EPM2A: variants seen among roughly 807,000 people sequenced by gnomAD.
EPM2A encodes the protein EPM2A glucan phosphatase, laforin.
A neutral mutation model predicts 26.5 loss-of-function variants in EPM2A; 21 were observed. The ratio of observed to expected loss-of-function variants is 0.79; its 90% CI spans 0.56 to 1.14. The LOEUF (loss-of-function observed/expected upper bound fraction) is 1.14, where lower values mean the gene tolerates loss of function less well. Among genes scored for constraint, EPM2A ranks in the 50% most tolerant of loss-of-function variants. The pLI, the probability that EPM2A is intolerant of heterozygous loss-of-function variation, is 0.00. For missense variants in EPM2A, 458 were observed against 440.8 expected (o/e 1.04, Z -0.35); for synonymous variants, 217 against 177.6 (o/e 1.22, Z -1.76).
intron 4 of EPM2A, among the ~76,000 whole-genome samples, chr6:145,433,146 C>T (rs903881680): frequency 1.5e-4 from 23 of 152,148 alleles, no homozygotes; most frequent in Admixed American, 1.0e-3. Flanking sequence ...TTTATGTGTT[C>T]ACAGATGTAG....
chr6:145,494,176 G>T (rs1582797832), intron 4 of EPM2A, among the ~76,000 whole-genome samples: 1 of 152,232 alleles, frequency 6.6e-6, no homozygotes, highest in South Asian at 2.1e-4. Flanking sequence ...TTATTGGTCT[G>T]TACAGGGATT....
At chr6:145,580,015 G>C (rs1337616978) in intron 2 of EPM2A, among the ~76,000 whole-genome samples, 1 of 152,024 alleles carries the variant, frequency 6.6e-6, no homozygotes, top group African/African-American at 2.4e-5. Flanking sequence ...CATTAACATA[G>C]ATTATAAGCT....
At chr6:145,660,251 C>T (rs1023006661) in intron 2 of EPM2A, among the ~76,000 whole-genome samples, 1 of 152,100 alleles carries the variant, frequency 6.6e-6, no homozygotes, top group African/African-American at 2.4e-5. Flanking sequence ...ATCCCCATAG[C>T]TCTATCCTGA....
chr6:145,387,207 T>C (rs9285507), intron 4 of EPM2A, among the ~76,000 whole-genome samples: 16,593 of 152,150 alleles, frequency 0.11, 943 homozygotes, highest in South Asian at 0.17. Flanking sequence ...TTTGCAGGAT[T>C]ATATTATATA....
At chr6:145,668,443 T>G (rs1779396223) in intron 2 of EPM2A, among the ~76,000 whole-genome samples, 1 of 152,200 alleles carries the variant, frequency 6.6e-6, no homozygotes, top group South Asian at 2.1e-4. Context: ...TAATTCAACT[T>G]ATCTAGACTT....
At chr6:145,411,243 A>G (rs1778638643) in intron 4 of EPM2A, among the ~76,000 whole-genome samples, 1 of 152,236 alleles carries the variant, frequency 6.6e-6, no homozygotes. Context: ...ATTATAAAAG[A>G]TACCAGCTCT....
At chr6:145,688,802 C>T (rs933608199) in intron 1 of EPM2A, among the ~76,000 whole-genome samples, 1 of 152,040 alleles carries the variant, frequency 6.6e-6, no homozygotes, top group Non-Finnish European at 1.5e-5. Context: ...GTAGGAGTGA[C>T]TAAGTGAAGC....
At chr6:145,598,650 C>T (rs1781379719) in intron 2 of EPM2A, among the ~76,000 whole-genome samples, 2 of 152,080 alleles carry the variant, frequency 1.3e-5, no homozygotes, top group Admixed American at 6.5e-5. Context: ...CTTGCAATAG[C>T]TTTTGGTGGC....
intron 4 of EPM2A, among the ~76,000 whole-genome samples, chr6:145,495,183 A>G (rs1408269808): frequency 6.6e-6 from 1 of 152,108 alleles, no homozygotes; most frequent in African/African-American, 2.4e-5. Context: ...TTGGGTACAT[A>G]TATGTTTAGG....
At chr6:145,555,941 G>A (rs981043423) in intron 2 of EPM2A, among the ~76,000 whole-genome samples, 2 of 152,098 alleles carry the variant, frequency 1.3e-5, no homozygotes, top group African/African-American at 4.8e-5. Context: ...TAGCAAAGAG[G>A]ACAGCTCTGT....
chr6:145,536,070 C>T (rs1486746375), intron 2 of EPM2A, among the ~76,000 whole-genome samples: 1 of 152,168 alleles, frequency 6.6e-6, no homozygotes, highest in Non-Finnish European at 1.5e-5. Flanking sequence ...TTGAAAGTAT[C>T]GCTCAGTATG....
intron 1 of EPM2A, among the ~76,000 whole-genome samples, chr6:145,723,402 A>G (rs1354819275): frequency 1.3e-5 from 2 of 152,178 alleles, no homozygotes; most frequent in Non-Finnish European, 2.9e-5. Flanking sequence ...CAAGAAAGAT[A>G]TAATTTAGAC....
At chr6:145,459,662 T>C (rs1430372430) in intron 4 of EPM2A, among the ~76,000 whole-genome samples, 1 of 152,070 alleles carries the variant, frequency 6.6e-6, no homozygotes, top group Non-Finnish European at 1.5e-5. Context: ...GCTACCATCT[T>C]ACTGCTATCT....
At chr6:145,612,032 T>G (rs1381590696) in intron 2 of EPM2A, among the ~76,000 whole-genome samples, 2 of 152,174 alleles carry the variant, frequency 1.3e-5, no homozygotes, top group Non-Finnish European at 2.9e-5. Context: ...TTGTGCATAT[T>G]TGGTGAAGAA....
intron 2 of EPM2A, among the ~76,000 whole-genome samples, chr6:145,599,345 T>A (rs909357423): frequency 6.6e-6 from 1 of 152,140 alleles, no homozygotes. Flanking sequence ...TAATTTCTAC[T>A]AATTAGTTAC....
At chr6:145,673,202 A>T (rs998883793) in intron 2 of EPM2A, among the ~76,000 whole-genome samples, 12 of 152,232 alleles carry the variant, frequency 7.9e-5, no homozygotes, top group Non-Finnish European at 1.5e-4. Context: ...TAATATTTTT[A>T]AAAAACTCAA....
intron 4 of EPM2A, among the ~76,000 whole-genome samples, chr6:145,443,033 G>T (rs1010761399): frequency 1.2e-4 from 18 of 151,000 alleles, no homozygotes; most frequent in African/African-American, 2.7e-4. Flanking sequence ...GCTAATTTTT[G>T]TGTGTGTGTG....
In EPM2A at chr6:145,730,727, A is replaced by T. The variant is rs78685036; in HGVS notation, c.301+4471T>A. 4.1e-3 allele frequency among the ~76,000 whole-genome samples: 628 copies of T among 152,322 alleles called. 18 individuals are homozygous for T. The East Asian group carries it at 0.07, about 17-fold the overall frequency. ...CAGTTTCTGTTACTTGCAATTAAAG[A>T]GTCCAATCCAGCATAGTTAATGTGA... On this transcript the variant is annotated intron_variant, in intron 1 of 3. Transcript: ENST00000367519.
chr6:145,450,564 G>T (rs1318203704), intron 4 of EPM2A, among the ~76,000 whole-genome samples: 1 of 152,078 alleles, frequency 6.6e-6, no homozygotes, highest in African/African-American at 2.4e-5. Context: ...CCCTGACTTT[G>T]GAAGTTTTCT....
Sources: gnomAD v4.1 joint callset for allele counts (sites outside exome capture counted in the v4.1 genomes callset) on GRCh38, gnomAD v4.1.1 for gene constraint, MANE v1.5 for transcripts, NCBI Gene and HGNC (gene_info 2026-07-23, HGNC 2026-07-21) for gene names.